CDYL: variants seen among roughly 807,000 people sequenced by gnomAD.
The protein encoded by CDYL is chromodomain Y-like protein.
In CDYL, 8 loss-of-function variants were observed where a neutral mutation model predicts 47.3. That is an observed-to-expected ratio of 0.17 (90% CI 0.10 to 0.31). The LOEUF is 0.31. Among genes scored for constraint, CDYL ranks in the 10% least tolerant of loss-of-function variants. CDYL has a pLI of 1.00. For synonymous variants in CDYL, 266 were observed against 265.0 expected (o/e 1.00, Z -0.04); for missense variants, 471 against 701.4 (o/e 0.67, Z 3.71).
chr6:4,713,591 T>TC (rs201567914), intron 1 of CDYL, among the ~76,000 whole-genome samples: 5 of 148,414 alleles, frequency 3.4e-5, no homozygotes, highest in Admixed American at 6.8e-5. Flanking sequence ...TTTAGATTCT[T>TC]TTTTTTTTTT....
intron 1 of CDYL, among the ~76,000 whole-genome samples, chr6:4,835,454 G>A (rs553275963): frequency 3.7e-4 from 57 of 152,256 alleles, no homozygotes; most frequent in African/African-American, 1.2e-3. Context: ...AGGAGTACCC[G>A]GCCATGTGAG....
At chr6:4,856,914 A>G (rs929628506) in intron 1 of CDYL, among the ~76,000 whole-genome samples, 3 of 152,164 alleles carry the variant, frequency 2.0e-5, no homozygotes, top group Non-Finnish European at 4.4e-5. Flanking sequence ...TATAGTCTGG[A>G]TATTTTTGTC....
chr6:4,722,787 C>T (rs1757395737), intron 2 of CDYL, among the ~76,000 whole-genome samples: 1 of 152,064 alleles, frequency 6.6e-6, no homozygotes, highest in South Asian at 2.1e-4. Flanking sequence ...TGAGGCATGA[C>T]AATTGCTTGA....
intron 1 of CDYL, among the ~76,000 whole-genome samples, chr6:4,787,886 C>T (rs1305026462): frequency 6.6e-6 from 1 of 150,658 alleles, no homozygotes; most frequent in Non-Finnish European, 1.5e-5. Flanking sequence ...ATTCTCCTGC[C>T]TCTGCCTCTC....
At chr6:4,762,546 G>GA (rs1278375041) in intron 3 of CDYL, among the ~76,000 whole-genome samples, 1 of 131,292 alleles carries the variant, frequency 7.6e-6, no homozygotes, top group Non-Finnish European at 1.6e-5. Flanking sequence ...AGGTCAAAGA[G>GA]ATTAAAAAAA....
At chr6:4,745,055 C>G (rs1757864702) in intron 3 of CDYL, among the ~76,000 whole-genome samples, 1 of 152,174 alleles carries the variant, frequency 6.6e-6, no homozygotes, top group East Asian at 1.9e-4. Flanking sequence ...GTCTCAAACT[C>G]CTAGGCTCAA....
At chr6:4,916,420 A>C (rs1446911331) in intron 2 of CDYL, among the ~76,000 whole-genome samples, 1 of 152,228 alleles carries the variant, frequency 6.6e-6, no homozygotes, top group Non-Finnish European at 1.5e-5. Flanking sequence ...TAATTTCCTC[A>C]AAGAACTCAT....
At chr6:4,905,642 G>T (rs1371251261) in intron 2 of CDYL, among the ~76,000 whole-genome samples, 1 of 152,194 alleles carries the variant, frequency 6.6e-6, no homozygotes, top group Admixed American at 6.5e-5. Flanking sequence ...GGTCAGAGCC[G>T]AAGGGCCATG....
At chr6:4,925,511 A>G (rs1757844826) in intron 2 of CDYL, among the ~76,000 whole-genome samples, 1 of 139,034 alleles carries the variant, frequency 7.2e-6, no homozygotes. Context: ...TCCCAGGTTC[A>G]CTCATGCCAT....
intron 2 of CDYL, among the ~76,000 whole-genome samples, chr6:4,728,428 A>G (rs888446032): frequency 1.3e-5 from 2 of 152,118 alleles, no homozygotes; most frequent in South Asian, 4.1e-4. Flanking sequence ...CCATCCTTGC[A>G]TGGGCTTCCT....
intron 1 of CDYL, among the ~76,000 whole-genome samples, chr6:4,864,860 A>T (rs1459659277): frequency 6.6e-6 from 1 of 152,202 alleles, no homozygotes; most frequent in Non-Finnish European, 1.5e-5. Flanking sequence ...ATGAACTAAT[A>T]TACATGCTAA....
intron 1 of CDYL, among the ~76,000 whole-genome samples, chr6:4,829,708 C>CT (rs1561657939): frequency 6.6e-6 from 1 of 152,174 alleles, no homozygotes; most frequent in Non-Finnish European, 1.5e-5. Context: ...TGTGAACAAT[C>CT]TCCCCCATTT....
At position 4,871,529 on chromosome 6, in the gene CDYL, ACT is replaced by A. The variant is rs766471099; in HGVS notation, c.25-20179_25-20178del. On this transcript the variant is annotated intron_variant, in intron 1 of 6. Transcript: ENST00000397588. ...GGAAGACTGCAGTTAGTGAAACCAG[ACT>A]CTCTAGGATCCATCTGGTTAGGAGG... Among the ~76,000 whole-genome samples, 45 of 152,190 alleles carry A rather than the reference ACT, an allele frequency of 3.0e-4. 2 individuals are homozygous for A. The highest frequency in any genetic ancestry group is 3.4e-3 in the Middle Eastern group (1 of 292).
chr6:4,819,572 G>A (rs988438331), intron 1 of CDYL, among the ~76,000 whole-genome samples: 4 of 152,162 alleles, frequency 2.6e-5, no homozygotes, highest in African/African-American at 9.7e-5. Context: ...TGAGGCTCAG[G>A]TATCTGCAAT....
intron 1 of CDYL, among the ~76,000 whole-genome samples, chr6:4,818,041 G>T (rs1318074111): frequency 6.6e-6 from 1 of 152,108 alleles, no homozygotes; most frequent in Admixed American, 6.6e-5. Flanking sequence ...CAGATTGCTT[G>T]AGCCCAGGGT....
At chr6:4,809,181 C>T (rs1424064272) in intron 1 of CDYL, among the ~76,000 whole-genome samples, 1 of 152,120 alleles carries the variant, frequency 6.6e-6, no homozygotes, top group Non-Finnish European at 1.5e-5. Flanking sequence ...AAAAAAAGAG[C>T]AGGTAGTATG....
At chr6:4,877,266 TTA>T (rs1368632403) in intron 1 of CDYL, among the ~76,000 whole-genome samples, 3 of 152,244 alleles carry the variant, frequency 2.0e-5, no homozygotes, top group African/African-American at 7.2e-5. Flanking sequence ...ATTTTTTTTC[TTA>T]TTTATTCTGT....
chr6:4,909,477 C>A (rs1051604497), intron 2 of CDYL, among the ~76,000 whole-genome samples: 4 of 152,202 alleles, frequency 2.6e-5, no homozygotes, highest in Non-Finnish European at 5.9e-5. Context: ...TTCTCACACA[C>A]CAGGAGGATT....
At position 4,790,279 on chromosome 6, in the gene CDYL, G is replaced by A. The variant is rs75563106; in HGVS notation, c.24+13472G>A. 6.8e-3 allele frequency among the ~76,000 whole-genome samples: 1,029 copies of A among 152,272 alleles called. 9 individuals are homozygous for A. The highest frequency in any genetic ancestry group is 0.024 in the African/African-American group (991 of 41,540). On this transcript the variant is annotated intron_variant, in intron 1 of 6. Coordinates refer to ENST00000397588, the MANE Select transcript of CDYL (RefSeq NM_004824.4). ...GCTTTTTACTTAACAAATGTATAGT[G>A]AGCAGTTAACAATGGGACTTAATAC...
Sources: allele counts gnomAD v4.1 joint callset (sites outside exome capture counted in the v4.1 genomes callset), GRCh38; gene constraint gnomAD v4.1.1; transcripts MANE v1.5; gene names NCBI Gene and HGNC (gene_info 2026-07-23, HGNC 2026-07-21).